The following SETD2 variants were observed in gnomAD, a reference collection of about 807,000 sequenced individuals.
SETD2 encodes histone-lysine N-methyltransferase SETD2.
SETD2 carries 31 observed loss-of-function variants against 242.1 expected under a neutral mutation model. The ratio of observed to expected loss-of-function variants is 0.13; its 90% CI spans 0.10 to 0.17. The LOEUF is 0.17. Ranked by LOEUF, SETD2 falls within the 10% of genes least tolerant of loss-of-function variation. The pLI is 1.00. For missense variants in SETD2, 2,481 were observed against 3,046.3 expected, an observed-to-expected ratio of 0.81 and a Z score of 4.37; for synonymous variants, 1,006 against 1,066.5, an observed-to-expected ratio of 0.94 and a Z score of 1.11.
At chr3:47,057,868 T>G (rs2040146703) in intron 14 of SETD2, among the ~76,000 whole-genome samples, 1 of 152,146 alleles carries the variant, frequency 6.6e-6, no homozygotes, top group Non-Finnish European at 1.5e-5. Flanking sequence ...TCAATCCAAT[T>G]TATTGTCCCT....
At chr3:47,029,065 A>ATTTTTT (rs35295276) in intron 18 of SETD2, 2 of 155,874 alleles carry the variant, frequency 1.3e-5, no homozygotes, top group Admixed American at 6.9e-5. Context: ...CAAACTTTTA[A>ATTTTTT]TTTTTTTTTT....
intron 17 of SETD2, 71 bp downstream of exon 17, chr3:47,042,490 C>T (rs2107538674): frequency 2.7e-6 from 4 of 1,496,440 alleles, no homozygotes; most frequent in East Asian, 2.3e-5. Flanking sequence ...AACTGTAAAA[C>T]TCCCCTTATA....
intron 12 of SETD2, among the ~76,000 whole-genome samples, chr3:47,070,996 G>A (rs757463016): frequency 3.3e-5 from 5 of 152,008 alleles, no homozygotes; most frequent in East Asian, 1.9e-4. Context: ...TTAGCCTCCC[G>A]AAGTGCTGGA....
At chr3:47,022,188 A>G in intron 18 of SETD2, among the ~76,000 whole-genome samples, 1 of 86,612 alleles carries the variant, frequency 1.2e-5, no homozygotes, top group East Asian at 3.2e-4. Context: ...CAGAGCAACA[A>G]TCTGTCACAC....
At chr3:47,118,163 G>A (rs753084900) in intron 3 of SETD2, among the ~76,000 whole-genome samples, 2 of 152,148 alleles carry the variant, frequency 1.3e-5, no homozygotes, top group Non-Finnish European at 2.9e-5. Flanking sequence ...TCGTTAATGA[G>A]TATATGAATA....
At chr3:47,068,996 T>G (rs1436194473) in intron 12 of SETD2, among the ~76,000 whole-genome samples, 1 of 151,884 alleles carries the variant, frequency 6.6e-6, no homozygotes, top group East Asian at 1.9e-4. Flanking sequence ...GGTTTCATCA[T>G]GTTGGCCAGA....
intron 13 of SETD2, 85 bp downstream of exon 13, chr3:47,066,985 A>C: frequency 1.0e-6 from 1 of 973,910 alleles, no homozygotes; most frequent in Admixed American, 2.3e-5. Flanking sequence ...AAAAACAAAA[A>C]CGCTTAAGTT....
chr3:47,157,177 C>T (rs1288139332), intron 1 of SETD2, among the ~76,000 whole-genome samples: 1 of 152,094 alleles, frequency 6.6e-6, no homozygotes, highest in Non-Finnish European at 1.5e-5. Flanking sequence ...GTGAGAGAAT[C>T]ACCTGAGCCT....
At position 47,030,481 on chromosome 3, in the gene SETD2, G is replaced by A. The variant is rs1458605540; in HGVS notation, c.7350+7185C>T. The stretch of plus-strand genomic sequence containing the variant: ...GTTTAATAACATGTATGTAATTGGA[G>A]TCCCAGGAAAAGGGACAATGGTATA... On this transcript the variant is annotated intron_variant, in intron 18 of 20. Coordinates refer to ENST00000409792, the MANE Select transcript of SETD2 (RefSeq NM_014159.7). 2.6e-5 allele frequency among the ~76,000 whole-genome samples: 4 copies of A among 152,072 alleles called. No individual in the cohort carries two copies. In the East Asian group the frequency reaches 7.7e-4, roughly 29 times the overall value.
At position 47,110,624 on chromosome 3, in the gene SETD2, C is replaced by T. The variant is rs375806647; in HGVS notation, c.4715+3252G>A. 3.9e-5 allele frequency among the ~76,000 whole-genome samples: 6 copies of T among 152,242 alleles called. No individual in the cohort carries two copies. In the East Asian group the frequency reaches 1.2e-3, roughly 29 times the overall value. On this transcript the variant is annotated intron_variant, in intron 5 of 20. Transcript: ENST00000409792. Reference sequence around the variant, plus strand: ...AAATAATTTCTCATCCTGTGTAGCTCTGACAATCTGTCCTTATTAAATGGT... The same window carrying T: ...AAATAATTTCTCATCCTGTGTAGCTTTGACAATCTGTCCTTATTAAATGGT...
intron 1 of SETD2, among the ~76,000 whole-genome samples, chr3:47,162,409 TA>T (rs1697515981): frequency 6.6e-6 from 1 of 152,172 alleles, no homozygotes; most frequent in Non-Finnish European, 1.5e-5. Flanking sequence ...AAGACCAATC[TA>T]ATTAAGGTAA....
At chr3:47,137,006 C>A (rs2106778616) in intron 1 of SETD2, among the ~76,000 whole-genome samples, 1 of 152,140 alleles carries the variant, frequency 6.6e-6, no homozygotes. Flanking sequence ...GGGTAATGGG[C>A]ACACTAGAAG....
chr3:47,149,970 T>C (rs1173982915), intron 1 of SETD2, among the ~76,000 whole-genome samples: 1 of 151,836 alleles, frequency 6.6e-6, no homozygotes, highest in African/African-American at 2.4e-5. Context: ...AAAGCCTCTA[T>C]TTTTGGAGTA....
intron 18 of SETD2, among the ~76,000 whole-genome samples, chr3:47,025,897 A>G (rs1432754391): frequency 1.3e-5 from 2 of 152,234 alleles, no homozygotes; most frequent in African/African-American, 2.4e-5. Context: ...AGGCATGGGC[A>G]AAGACTTCAT....
At position 47,124,707 on chromosome 3, in the gene SETD2, C is replaced by T. The variant is rs572340121; in HGVS notation, c.88-159G>A. On this transcript the variant is annotated intron_variant, in intron 2 of 20. Coordinates refer to ENST00000409792, the MANE Select transcript of SETD2 (RefSeq NM_014159.7). ...TATATATCTTTATTATGAAAATTTT[C>T]AAACACAGTCAAAAGTATAGAAAAT... Among the ~76,000 whole-genome samples the T allele has an allele frequency of 2.0e-5, 3 of 152,184 alleles. No individual in the cohort carries two copies. In the South Asian group the frequency reaches 6.2e-4, roughly 32 times the overall value.
chr3:47,098,163 C>G (rs960061150), intron 8 of SETD2, 82 bp from the exon 9 acceptor site: 6 of 1,414,882 alleles, frequency 4.2e-6, no homozygotes, highest in Non-Finnish European at 5.8e-6. Context: ...AAAAGTCATA[C>G]CAGTCTAAAC....
chr3:47,109,003 T>A (rs1020536768), intron 5 of SETD2, among the ~76,000 whole-genome samples: 10 of 152,232 alleles, frequency 6.6e-5, no homozygotes, highest in Admixed American at 2.0e-4. Flanking sequence ...TTCTTATTAA[T>A]CTTTTTCTAA....
At chr3:47,149,179 A>T (rs2043927794) in intron 1 of SETD2, among the ~76,000 whole-genome samples, 1 of 152,204 alleles carries the variant, frequency 6.6e-6, no homozygotes, top group South Asian at 2.1e-4. Context: ...AGCTATTCTA[A>T]ATGTTATTCC....
At chr3:47,071,759 A>C (rs2107610765) in intron 12 of SETD2, among the ~76,000 whole-genome samples, 1 of 152,256 alleles carries the variant, frequency 6.6e-6, no homozygotes, top group Middle Eastern at 3.4e-3. Flanking sequence ...GTTTTCTATT[A>C]ATAAACACTT....
Sources: gnomAD v4.1 joint callset for allele counts (sites outside exome capture counted in the v4.1 genomes callset) on GRCh38, gnomAD v4.1.1 for gene constraint, MANE v1.5 for transcripts, NCBI Gene and HGNC (gene_info 2026-07-23, HGNC 2026-07-21) for gene names.